The following LGR4 variants were observed in gnomAD, a reference collection of about 807,000 sequenced individuals.
LGR4 encodes leucine rich repeat containing G protein-coupled receptor 4.
Under a neutral mutation model 84.8 loss-of-function variants are expected in LGR4, and 44 were observed. The observed-to-expected ratio is 0.52, with a 90% CI of 0.41 to 0.67. LGR4 has a LOEUF of 0.67. Ranked by LOEUF, LGR4 falls within the 30% of genes least tolerant of loss-of-function variation. The pLI, the probability that LGR4 is intolerant of heterozygous loss-of-function variation, is 0.00. For missense variants in LGR4, 1,032 were observed against 1,131.4 expected (o/e 0.91, Z 1.26); for synonymous variants, 429 against 434.3 (o/e 0.99, Z 0.15).
chr11:27,429,415 G>A (rs977173241), intron 1 of LGR4, among the ~76,000 whole-genome samples: 9 of 151,928 alleles, frequency 5.9e-5, no homozygotes, highest in Admixed American at 3.3e-4. Context: ...CCCTGGAGGC[G>A]GAGGTTGCAG....
chr11:27,413,397 C>T (rs868217121), intron 1 of LGR4, among the ~76,000 whole-genome samples: 2 of 152,206 alleles, frequency 1.3e-5, no homozygotes, highest in Middle Eastern at 6.8e-3. Context: ...AGGACAAGTG[C>T]GTACATGATA....
At chr11:27,442,346 A>G (rs1422388820) in intron 1 of LGR4, among the ~76,000 whole-genome samples, 1 of 152,228 alleles carries the variant, frequency 6.6e-6, no homozygotes, top group African/African-American at 2.4e-5. Context: ...ATAGGCCACA[A>G]GATGAACCTC....
intron 1 of LGR4, among the ~76,000 whole-genome samples, chr11:27,415,359 G>A (rs1357161851): frequency 6.6e-6 from 1 of 152,062 alleles, no homozygotes; most frequent in African/African-American, 2.4e-5. Flanking sequence ...AAAAGGTCTG[G>A]AGAGAACCAA....
intron 3 of LGR4, among the ~76,000 whole-genome samples, 183 bp from the exon 4 acceptor site, chr11:27,391,348 G>A (rs1863282558): frequency 6.6e-6 from 1 of 150,950 alleles, no homozygotes; most frequent in Non-Finnish European, 1.5e-5. Context: ...TTGTTGTAAA[G>A]CCAGAAAGGA....
chr11:27,409,505 C>T (rs549867638), intron 2 of LGR4, among the ~76,000 whole-genome samples: 2 of 152,232 alleles, frequency 1.3e-5, no homozygotes, highest in African/African-American at 2.4e-5. Context: ...TAGATCAGCT[C>T]TCTGTGTTCC....
At chr11:27,376,435 G>T in intron 12 of LGR4, 65 bp from the exon 13 acceptor site, 1 of 777,992 alleles carries the variant, frequency 1.3e-6, no homozygotes, top group Non-Finnish European at 2.1e-6. Flanking sequence ...GGAGGAGGAG[G>T]AAAGAGAAAG....
intron 4 of LGR4, among the ~76,000 whole-genome samples, chr11:27,387,438 T>A (rs962502502): frequency 6.6e-6 from 1 of 152,154 alleles, no homozygotes; most frequent in Non-Finnish European, 1.5e-5. Context: ...AAGAAAAGTA[T>A]TTCTAAGGTG....
intron 2 of LGR4, among the ~76,000 whole-genome samples, chr11:27,394,234 G>T (rs1401252287): frequency 6.6e-6 from 1 of 152,112 alleles, no homozygotes; most frequent in African/African-American, 2.4e-5. Flanking sequence ...TGTGCTGTCA[G>T]CCTTGTAGCC....
rs149138714 is a variant in LGR4, at chr11:27,374,040, C to G, written c.1188G>C (p.Leu396=). Residue 396 remains leucine, a synonymous_variant, in exon 14 of 18, where the codon CTG becomes CTC. Coordinates refer to ENST00000379214, the MANE Select transcript of LGR4 (RefSeq NM_018490.5). The part of the protein sequence containing the change: ...QGLISLRILD[L]SRNLIHEIHS... ...GAATTTCATGTATCAGGTTTCTACTCAGATCTCTGCAATTATAAGAGTAAC... is the reference window on the plus strand; with the variant it reads ...GAATTTCATGTATCAGGTTTCTACTGAGATCTCTGCAATTATAAGAGTAAC... 16 of 1,606,272 alleles carry G rather than the reference C, an allele frequency of 1.0e-5. No homozygotes were observed. The East Asian group carries it at 3.4e-4, about 34-fold the overall frequency.
intron 1 of LGR4, among the ~76,000 whole-genome samples, chr11:27,458,723 G>A (rs1467711339): frequency 2.0e-5 from 3 of 152,014 alleles, no homozygotes; most frequent in African/African-American, 7.2e-5. Context: ...ATTTTTAGTA[G>A]AGACGGGGTT....
intron 13 of LGR4, among the ~76,000 whole-genome samples, chr11:27,374,370 TG>T (rs1862938202): frequency 6.6e-6 from 1 of 152,170 alleles, no homozygotes; most frequent in Non-Finnish European, 1.5e-5. Context: ...GCTAACTCAG[TG>T]AGGAAAAGCT....
chr11:27,440,336 C>T (rs773854582), intron 1 of LGR4, among the ~76,000 whole-genome samples: 2 of 152,074 alleles, frequency 1.3e-5, no homozygotes, highest in African/African-American at 2.4e-5. Context: ...GAAAGCCAAC[C>T]CAGACCGCAG....
intron 2 of LGR4, among the ~76,000 whole-genome samples, chr11:27,405,847 C>T (rs1863597233): frequency 6.6e-6 from 1 of 152,106 alleles, no homozygotes; most frequent in African/African-American, 2.4e-5. Flanking sequence ...ATTTTCATTT[C>T]TCCCTGAACT....
Position 27,369,030 on chromosome 11 carries a change from C to T in LGR4, c.1693G>A (p.Ala565Thr), listed in dbSNP as rs750215283. 5.0e-6 allele frequency: 8 copies of T among 1,613,700 alleles called. No homozygotes were observed. Among genetic ancestry groups the T allele is most frequent in the Non-Finnish European group, 4.2e-6 (5 of 1,179,824 alleles). Residue 565 changes from alanine to threonine, a missense_variant, in exon 18 of 18, where the codon GCA becomes ACA. Physicochemically the swap from Ala to Thr is moderately conservative, Grantham distance 58. Transcript: ENST00000379214. The part of the protein sequence containing the change: ...FNLLVILTTF[A>T]SCTSLPSSKL... ...GACGAAGGCAGTGATGTACAAGATG[C>T]AAATGTTGTTAAAATAACAAGCAGG...
intron 1 of LGR4, among the ~76,000 whole-genome samples, chr11:27,445,050 C>T (rs897414981): frequency 9.4e-5 from 14 of 148,436 alleles, no homozygotes; most frequent in African/African-American, 3.4e-4. Context: ...AGGCAGAACT[C>T]GGGCAGCTGC....
rs149778423 is a variant in LGR4 at position 27,380,048 on chromosome 11, G to T, written c.971+223C>A. On this transcript the variant is annotated intron_variant, in intron 10 of 17. Transcript: ENST00000379214. ...TAATTTGGCACTTTGTTACTGCCTT[G>T]TATTTTCTGTGAACCTTTCAGATCT... Among the ~76,000 whole-genome samples the T allele has an allele frequency of 1.3e-3, 200 of 152,190 alleles. 1 individual carries two copies. Among genetic ancestry groups the T allele is most frequent in the African/African-American group, 4.4e-3 (182 of 41,498 alleles).
At chr11:27,389,512 T>G (rs1863243334) in intron 4 of LGR4, among the ~76,000 whole-genome samples, 1 of 152,148 alleles carries the variant, frequency 6.6e-6, no homozygotes, top group Non-Finnish European at 1.5e-5. Context: ...ATGTACTTAT[T>G]GACCACAAAT....
intron 1 of LGR4, among the ~76,000 whole-genome samples, chr11:27,455,948 C>T (rs958723465): frequency 1.1e-4 from 17 of 152,110 alleles, no homozygotes; most frequent in African/African-American, 2.9e-4. Flanking sequence ...ACACGTGTTA[C>T]GCACTTCATT....
At chr11:27,400,834 C>T (rs1461786090) in intron 2 of LGR4, among the ~76,000 whole-genome samples, 1 of 152,060 alleles carries the variant, frequency 6.6e-6, no homozygotes, top group Non-Finnish European at 1.5e-5. Context: ...TTCAAGAGGA[C>T]CGGAGGATAT....
Sources: allele counts gnomAD v4.1 joint callset (sites outside exome capture counted in the v4.1 genomes callset), GRCh38; gene constraint gnomAD v4.1.1; transcripts MANE v1.5; gene names NCBI Gene and HGNC (gene_info 2026-07-23, HGNC 2026-07-21).